The following WDR76 variants were observed in gnomAD, a reference collection of about 807,000 sequenced individuals.
The protein encoded by WDR76 is WD repeat domain 76.
Under a neutral mutation model 70.2 loss-of-function variants are expected in WDR76, and 52 were observed. The ratio of observed to expected loss-of-function variants is 0.74; its 90% CI spans 0.59 to 0.93. The LOEUF (loss-of-function observed/expected upper bound fraction) is 0.93, where lower values mean the gene tolerates loss of function less well. Ranked by LOEUF, WDR76 falls within the 40% of genes least tolerant of loss-of-function variation. The pLI, the probability that WDR76 is intolerant of heterozygous loss-of-function variation, is 0.00. For missense variants in WDR76, 756 were observed against 760.2 expected, an observed-to-expected ratio of 0.99 and a Z score of 0.07; for synonymous variants, 292 against 271.1, an observed-to-expected ratio of 1.08 and a Z score of -0.76.
At chr15:43,839,387 T>G (rs1286269247) in intron 4 of WDR76, among the ~76,000 whole-genome samples, 2 of 152,224 alleles carry the variant, frequency 1.3e-5, no homozygotes, top group African/African-American at 4.8e-5. Flanking sequence ...CTATTAGATA[T>G]GTATACCATA....
chr15:43,856,395 G>A, intron 9 of WDR76, among the ~76,000 whole-genome samples: 1 of 152,004 alleles, frequency 6.6e-6, no homozygotes, highest in African/African-American at 2.4e-5. Context: ...GGACTTGGTT[G>A]GCAAAGTTAC....
At chr15:43,843,019 T>C (rs979264552) in intron 7 of WDR76, among the ~76,000 whole-genome samples, 55 of 147,514 alleles carry the variant, frequency 3.7e-4, no homozygotes, top group South Asian at 3.4e-3. Flanking sequence ...TTTTCTTTTT[T>C]TTTTTTTTTT....
intron 4 of WDR76, among the ~76,000 whole-genome samples, chr15:43,837,312 G>A (rs2141728912): frequency 6.6e-6 from 1 of 152,282 alleles, no homozygotes; most frequent in Non-Finnish European, 1.5e-5. Flanking sequence ...CTTTAATCAT[G>A]GCCAGGTATT....
chr15:43,828,401 C>T, intron 2 of WDR76, 35 bp downstream of exon 2: 1 of 1,541,858 alleles, frequency 6.5e-7, no homozygotes, highest in East Asian at 2.3e-5. Context: ...TCTGGTTTCT[C>T]TTTTTTGAAA....
At chr15:43,863,558 TTA>T (rs2088031429) in intron 12 of WDR76, among the ~76,000 whole-genome samples, 1 of 149,522 alleles carries the variant, frequency 6.7e-6, no homozygotes, top group Non-Finnish European at 1.5e-5. Context: ...ACTCTCTTTT[TTA>T]AAAAAAAAAA....
chr15:43,866,674 T>C lies in WDR76; in HGVS notation c.*282T>C, dbSNP rs201146677. 2.7e-5 allele frequency: 9 copies of C among 333,812 alleles called. No homozygotes were observed. In the East Asian group the frequency reaches 5.0e-4, roughly 18 times the overall value. 20.7% of individuals were successfully genotyped at this position (333,812 alleles called of 1,614,324 possible). On this transcript the variant is annotated 3_prime_UTR_variant, in exon 13 of 13. Coordinates refer to ENST00000263795, the MANE Select transcript of WDR76 (RefSeq NM_024908.4). ...GGAGTTTTGCTCTTGTTGCCCAGGC[T>C]GGAGTGCAATAGCGCGATCTTGGCT... is the stretch of plus-strand genomic sequence containing the variant.
chr15:43,838,231 G>A (rs2087682132), intron 4 of WDR76, among the ~76,000 whole-genome samples: 1 of 150,146 alleles, frequency 6.7e-6, no homozygotes, highest in Non-Finnish European at 1.5e-5. Context: ...TGTTGCCCAG[G>A]CTGGAGTACA....
At chr15:43,861,270 C>T in intron 11 of WDR76, 63 bp from the exon 12 acceptor site, 1 of 1,292,968 alleles carries the variant, frequency 7.7e-7, no homozygotes, top group Admixed American at 1.7e-5. Context: ...GTTAAATACA[C>T]TGATATTTAT....
At chr15:43,832,944 G>A (rs28687459) in intron 2 of WDR76, among the ~76,000 whole-genome samples, 23,747 of 151,100 alleles carry the variant, frequency 0.16, 2,478 homozygotes, top group African/African-American at 0.29. Flanking sequence ...TAGTAGAGAC[G>A]GGGTTTCGAC....
chr15:43,865,560 T>C (rs1294709161), intron 12 of WDR76, among the ~76,000 whole-genome samples: 4 of 152,136 alleles, frequency 2.6e-5, no homozygotes, highest in Non-Finnish European at 2.9e-5. Flanking sequence ...TGTGAGCCAC[T>C]GTACCTGGCC....
At chr15:43,853,009 C>T (rs543384473) in intron 9 of WDR76, among the ~76,000 whole-genome samples, 2 of 152,284 alleles carry the variant, frequency 1.3e-5, no homozygotes, top group South Asian at 4.1e-4. Flanking sequence ...CTGCCTCATC[C>T]TCCTGAGTAG....
chr15:43,827,234 C>T (rs978491886), intron 1 of WDR76, 142 bp downstream of exon 1: 3 of 944,892 alleles, frequency 3.2e-6, no homozygotes, highest in Admixed American at 4.9e-5. Flanking sequence ...TCAGCTTTGA[C>T]GAAAGGTTCT....
In WDR76 at chr15:43,842,500, G is replaced by A. The variant is rs1186111846; in HGVS notation, c.818G>A (p.Trp273Ter). 1 of 1,613,900 alleles carries A rather than the reference G, an allele frequency of 6.2e-7. No individual in the cohort carries two copies. Among genetic ancestry groups the A allele is most frequent in the African/African-American group, 1.3e-5 (1 of 75,044 alleles). ...NERFKGFLHT[W>*]AGMSKPSSKN... is the part of the protein sequence containing the mutation. ...CGATTTAAAGGATTTCTGCACACAT[G>A]GGCAGGAATGAGCAAGGTATCACTT... Residue 273 changes from tryptophan (W) to a stop codon, truncating the protein, a stop_gained, in exon 6 of 13, where the codon TGG becomes TAG. Transcript: ENST00000263795. LOFTEE classifies it high-confidence loss of function.
chr15:43,851,210 C>T lies in WDR76; in HGVS notation c.1156C>T (p.Arg386Cys), dbSNP rs781176132. The T allele has an allele frequency of 2.3e-5, 37 of 1,613,986 alleles. No homozygotes were observed. Among genetic ancestry groups the T allele is most frequent in the South Asian group, 3.3e-5 (3 of 91,076 alleles). The change falls in exon 9 of 13, where the codon CGC becomes TGC. Residue 386 changes from arginine to cysteine, a missense_variant. Arg to Cys is a radical substitution (Grantham distance 180). Transcript: ENST00000263795. Reference sequence around the variant, plus strand: ...GTCACTGAGCTATGATGGCACGTTACGCTGTGGGGATTTTTCCAGGGCTAT... The same window carrying T: ...GTCACTGAGCTATGATGGCACGTTATGCTGTGGGGATTTTTCCAGGGCTAT... The part of the protein sequence containing the change: ...ILSLSYDGTL[R>C]CGDFSRAIFE...
rs918606672 is a variant in WDR76, at chr15:43,834,001, A to T, written c.463-1060A>T. Reference sequence around the variant, plus strand: ...TTCTCAGCAGTTTCTCGAACAATGAATTGGATATTGGACCTCTAAGACTGA... The same window carrying T: ...TTCTCAGCAGTTTCTCGAACAATGATTTGGATATTGGACCTCTAAGACTGA... On this transcript the variant is annotated intron_variant, in intron 2 of 12. Coordinates refer to ENST00000263795, the MANE Select transcript of WDR76 (RefSeq NM_024908.4). 2.0e-5 allele frequency among the ~76,000 whole-genome samples: 3 copies of T among 152,208 alleles called. No homozygotes were observed. The East Asian group carries it at 5.8e-4, about 29-fold the overall frequency.
At chr15:43,864,502 G>A (rs1374700003) in intron 12 of WDR76, among the ~76,000 whole-genome samples, 7 of 151,826 alleles carry the variant, frequency 4.6e-5, no homozygotes, top group Admixed American at 3.3e-4. Context: ...TCACTGATTA[G>A]TGATACTGAA....
chr15:43,866,264 C>T lies in WDR76; in HGVS notation c.1753C>T (p.His585Tyr), dbSNP rs2088069324. The change falls in exon 13 of 13, where the codon CAT (histidine) becomes TAT (tyrosine). Residue 585 changes from histidine to tyrosine, a missense_variant. Coordinates refer to ENST00000263795, the MANE Select transcript of WDR76 (RefSeq NM_024908.4). ...EIFHETGKRV[H>Y]SFGGEYLVSV... is the part of the protein sequence containing the mutation. Reference sequence around the variant, plus strand: ...CTTCCATGAGACAGGAAAGAGGGTGCATTCGTTTGGTGGAGAATACCTTGT... The same window carrying T: ...CTTCCATGAGACAGGAAAGAGGGTGTATTCGTTTGGTGGAGAATACCTTGT... 1 of 1,614,020 alleles carries T rather than the reference C, an allele frequency of 6.2e-7. No homozygotes were observed. Among genetic ancestry groups the T allele is most frequent in the African/African-American group, 1.3e-5 (1 of 74,892 alleles).
intron 8 of WDR76, among the ~76,000 whole-genome samples, chr15:43,845,661 G>C (rs944309301): frequency 6.6e-5 from 10 of 150,426 alleles, no homozygotes; most frequent in African/African-American, 2.2e-4. Context: ...TATCTTCCCA[G>C]GGACCTGCTT....
intron 8 of WDR76, among the ~76,000 whole-genome samples, chr15:43,844,438 T>C (rs1317718313): frequency 6.6e-6 from 1 of 150,754 alleles, no homozygotes; most frequent in Non-Finnish European, 1.5e-5. Context: ...GCCAACATGG[T>C]GAAACCCCGT....
Sources: gnomAD v4.1 joint callset for allele counts (sites outside exome capture counted in the v4.1 genomes callset) on GRCh38, gnomAD v4.1.1 for gene constraint, MANE v1.5 for transcripts, NCBI Gene and HGNC (gene_info 2026-07-23, HGNC 2026-07-21) for gene names.